Variants in DSCAM observed in about 807,000 individuals in gnomAD.
The protein encoded by DSCAM is cell adhesion molecule DSCAM.
In DSCAM, 47 loss-of-function variants were observed where a neutral mutation model predicts 217.7. That is an observed-to-expected ratio of 0.22 (90% CI 0.17 to 0.28). The LOEUF (loss-of-function observed/expected upper bound fraction) is 0.28. Ranked by LOEUF, DSCAM falls within the 10% of genes least tolerant of loss-of-function variation. The probability of loss-of-function intolerance (pLI) is 1.00; values close to 1 mark genes in which losing one functional copy is unlikely to be tolerated. For missense variants in DSCAM, 2,080 were observed against 2,618.3 expected, an observed-to-expected ratio of 0.79 and a Z score of 4.49; for synonymous variants, 1,056 against 1,015.3, an observed-to-expected ratio of 1.04 and a Z score of -0.76.
At chr21:40,457,768 A>AT (rs2075775536) in intron 3 of DSCAM, among the ~76,000 whole-genome samples, 1 of 152,194 alleles carries the variant, frequency 6.6e-6, no homozygotes, top group Non-Finnish European at 1.5e-5. Context: ...TGGACCACAA[A>AT]CTTAACTATA....
intron 1 of DSCAM, among the ~76,000 whole-genome samples, chr21:40,780,223 A>G (rs1457954405): frequency 6.6e-6 from 1 of 152,022 alleles, no homozygotes; most frequent in Non-Finnish European, 1.5e-5. Flanking sequence ...AAAGTTCCAG[A>G]GCCCATGTTC....
chr21:40,234,759 CTT>C (rs1296291964), intron 11 of DSCAM, among the ~76,000 whole-genome samples: 1 of 151,946 alleles, frequency 6.6e-6, no homozygotes, highest in Admixed American at 6.6e-5. Flanking sequence ...TTCTTTTTTT[CTT>C]TTTTTGCTGA....
chr21:40,646,023 A>G (rs9984403), intron 3 of DSCAM, among the ~76,000 whole-genome samples: 57,751 of 151,852 alleles, frequency 0.38, 11,787 homozygotes, highest in East Asian at 0.6. Context: ...GCGGTGGAGG[A>G]GATAAAGTAC....
chr21:40,256,367 C>T (rs2073369887), intron 11 of DSCAM, among the ~76,000 whole-genome samples: 1 of 150,588 alleles, frequency 6.6e-6, no homozygotes, highest in Non-Finnish European at 1.5e-5. Flanking sequence ...TCAGGGCTTC[C>T]CAGAGAAACA....
chr21:40,053,238 G>A (rs2088960944), intron 29 of DSCAM, among the ~76,000 whole-genome samples: 1 of 152,208 alleles, frequency 6.6e-6, no homozygotes, highest in Admixed American at 6.5e-5. Context: ...AGAAATAGAG[G>A]AAAGGCTGCC....
chr21:40,670,014 T>G (rs1369120786), intron 3 of DSCAM, among the ~76,000 whole-genome samples: 1 of 152,056 alleles, frequency 6.6e-6, no homozygotes, highest in Non-Finnish European at 1.5e-5. Flanking sequence ...ACAAAATAAT[T>G]ATGATTATGA....
intron 1 of DSCAM, among the ~76,000 whole-genome samples, chr21:40,816,177 G>T (rs1454776873): frequency 6.6e-6 from 1 of 152,188 alleles, no homozygotes; most frequent in African/African-American, 2.4e-5. Flanking sequence ...AGTGCTATAA[G>T]TGCTGTACAA....
At chr21:40,282,354 G>A (rs375571547) in intron 10 of DSCAM, among the ~76,000 whole-genome samples, 1 of 151,932 alleles carries the variant, frequency 6.6e-6, no homozygotes, top group Admixed American at 6.6e-5. Context: ...TTGGGAGGCC[G>A]AGGCGGGTGG....
chr21:40,380,845 CA>C (rs1449897778), intron 3 of DSCAM, among the ~76,000 whole-genome samples: 1 of 151,992 alleles, frequency 6.6e-6, no homozygotes, highest in Non-Finnish European at 1.5e-5. Context: ...GGGCGGATCA[CA>C]AGGTCAGGAG....
At chr21:40,790,942 T>G (rs760233919) in intron 1 of DSCAM, among the ~76,000 whole-genome samples, 6 of 151,978 alleles carry the variant, frequency 3.9e-5, no homozygotes, top group Non-Finnish European at 5.9e-5. Context: ...TTTGGGAAGC[T>G]GAGGTGGGTG....
chr21:40,766,030 A>G (rs2123361367), intron 1 of DSCAM, among the ~76,000 whole-genome samples: 1 of 152,368 alleles, frequency 6.6e-6, no homozygotes, highest in East Asian at 1.9e-4. Flanking sequence ...GGAGCTCGTG[A>G]CAGCTGGCAA....
chr21:40,377,716 C>G (rs568881372), intron 3 of DSCAM, among the ~76,000 whole-genome samples: 1 of 151,580 alleles, frequency 6.6e-6, no homozygotes, highest in Non-Finnish European at 1.5e-5. Context: ...TGAAGGAAGG[C>G]GAGTGAAGGA....
chr21:40,730,218 C>T (rs2090999030), intron 1 of DSCAM, among the ~76,000 whole-genome samples: 1 of 152,130 alleles, frequency 6.6e-6, no homozygotes, highest in Non-Finnish European at 1.5e-5. Context: ...GGAAATTTGA[C>T]TTGATTTGGA....
At chr21:40,557,614 C>T (rs1016105929) in intron 3 of DSCAM, among the ~76,000 whole-genome samples, 5 of 152,164 alleles carry the variant, frequency 3.3e-5, no homozygotes, top group African/African-American at 4.8e-5. Context: ...AGATGACAGG[C>T]GTGAGCCACC....
At chr21:40,767,082 CA>C (rs2123367533) in intron 1 of DSCAM, among the ~76,000 whole-genome samples, 1 of 152,160 alleles carries the variant, frequency 6.6e-6, no homozygotes, top group South Asian at 2.1e-4. Flanking sequence ...AAATGTGGAA[CA>C]GGGAACAAAA....
intron 3 of DSCAM, among the ~76,000 whole-genome samples, chr21:40,672,520 GA>G (rs1294050338): frequency 1.3e-5 from 2 of 151,952 alleles, no homozygotes; most frequent in Admixed American, 6.6e-5. Context: ...AGGTGAAACA[GA>G]AAAAAGAAAA....
intron 1 of DSCAM, among the ~76,000 whole-genome samples, chr21:40,734,982 G>A (rs1353401581): frequency 1.3e-5 from 2 of 152,212 alleles, no homozygotes; most frequent in African/African-American, 2.4e-5. Context: ...TCACAAAACA[G>A]AAATGCTGGT....
intron 3 of DSCAM, among the ~76,000 whole-genome samples, chr21:40,381,322 A>G (rs1229235655): frequency 6.6e-6 from 1 of 152,114 alleles, no homozygotes; most frequent in African/African-American, 2.4e-5. Flanking sequence ...AGAGAATGCT[A>G]TTGGATGTGC....
At chr21:40,803,393 C>T (rs1041523942) in intron 1 of DSCAM, among the ~76,000 whole-genome samples, 1 of 152,144 alleles carries the variant, frequency 6.6e-6, no homozygotes, top group Non-Finnish European at 1.5e-5. Flanking sequence ...GAGAAAACAC[C>T]CAGGGAAGGA....
Sources: allele counts gnomAD v4.1 joint callset (sites outside exome capture counted in the v4.1 genomes callset), GRCh38; gene constraint gnomAD v4.1.1; transcripts MANE v1.5; gene names NCBI Gene and HGNC (gene_info 2026-07-23, HGNC 2026-07-21).